Variants in BRD10 observed in about 807,000 individuals in gnomAD.
The protein encoded by BRD10 is uncharacterized bromodomain-containing protein 10.
the BRD10 span, among the ~76,000 whole-genome samples, chr9:5,938,637 A>G: frequency 6.6e-6 from 1 of 152,162 alleles, no homozygotes; most frequent in Admixed American, 6.5e-5. Context: ...AAATAAGGCT[A>G]GAATCTGTAA....
chr9:5,942,205 A>G, the BRD10 span, among the ~76,000 whole-genome samples: 3 of 152,078 alleles, frequency 2.0e-5, no homozygotes, highest in African/African-American at 7.2e-5. Context: ...CTTCCTATAT[A>G]TAACAATATA....
the BRD10 span, among the ~76,000 whole-genome samples, chr9:5,945,257 C>T: frequency 2.0e-5 from 3 of 152,090 alleles, no homozygotes; most frequent in African/African-American, 7.2e-5. Context: ...ACTTTCAGCC[C>T]AGAATGACAA....
At chr9:5,927,952 C>T in the BRD10 span, among the ~76,000 whole-genome samples, 1 of 152,190 alleles carries the variant, frequency 6.6e-6, no homozygotes, top group Non-Finnish European at 1.5e-5. Context: ...TGAACTCAGA[C>T]TCCTATACTG....
chr9:5,949,337 G>A, the BRD10 span, among the ~76,000 whole-genome samples: 86,781 of 151,864 alleles, frequency 0.57, 26,141 homozygotes, highest in Non-Finnish European at 0.69. Flanking sequence ...CCAGTCTGGC[G>A]GCAGAGCGAG....
chr9:5,988,561 G>A, the BRD10 span: 1 of 1,598,116 alleles, frequency 6.3e-7, no homozygotes, highest in Non-Finnish European at 8.6e-7. Context: ...AGAAGAATAA[G>A]TCAATTCACA....
the BRD10 span, chr9:5,910,510 C>T: frequency 2.6e-5 from 4 of 152,190 alleles, no homozygotes; most frequent in Admixed American, 6.5e-5. Context: ...CATTTGGGTA[C>T]CTCCTCCCCT....
chr9:5,948,003 G>A, the BRD10 span, among the ~76,000 whole-genome samples: 1 of 152,146 alleles, frequency 6.6e-6, no homozygotes, highest in African/African-American at 2.4e-5. Context: ...CTTATGAGAG[G>A]AGGTTTTCAG....
the BRD10 span, chr9:5,920,813 T>C: frequency 5.3e-5 from 86 of 1,613,916 alleles, no homozygotes; most frequent in East Asian, 1.9e-3. Flanking sequence ...CACTACTGGT[T>C]GTGTAGTTGA....
At chr9:5,894,177 T>G in the BRD10 span, among the ~76,000 whole-genome samples, 2 of 152,202 alleles carry the variant, frequency 1.3e-5, no homozygotes, top group African/African-American at 4.8e-5. This position sits in a 1 kb window ranked among gnomAD's most constrained non-coding sequence, Gnocchi z 4.0. Context: ...GTCAGCTCAG[T>G]AGGCCGAAAG....
the BRD10 span, among the ~76,000 whole-genome samples, chr9:5,992,980 T>C: frequency 6.6e-6 from 1 of 152,176 alleles, no homozygotes; most frequent in African/African-American, 2.4e-5. Context: ...AAAAATTCTA[T>C]CAGCACACTC....
the BRD10 span, among the ~76,000 whole-genome samples, chr9:5,917,641 C>A: frequency 6.6e-6 from 1 of 152,204 alleles, no homozygotes. Context: ...CACCTGAGGT[C>A]AGGAGTTCGA....
chr9:5,918,862 G>A, the BRD10 span: 1 of 150,038 alleles, frequency 6.7e-6, no homozygotes, highest in Admixed American at 6.6e-5. Context: ...AGATTTAAGT[G>A]AAAGTAGTAT....
the BRD10 span, among the ~76,000 whole-genome samples, chr9:5,945,987 T>C: frequency 6.6e-6 from 1 of 152,090 alleles, no homozygotes; most frequent in Non-Finnish European, 1.5e-5. Flanking sequence ...AATTTCAGTG[T>C]CAGGGGACTG....
chr9:5,969,027 G>T, the BRD10 span: 1 of 1,611,524 alleles, frequency 6.2e-7, no homozygotes, highest in East Asian at 2.2e-5. Flanking sequence ...TTAAAAAACT[G>T]AGGACACAAC....
chr9:5,897,841 C>T, the BRD10 span, among the ~76,000 whole-genome samples: 1,478 of 152,350 alleles, frequency 9.7e-3, 20 homozygotes, highest in African/African-American at 0.034. Context: ...AGGCATGAAC[C>T]TCAACCAGGA....
At chr9:5,892,197 T>C in the BRD10 span, among the ~76,000 whole-genome samples, 1 of 152,214 alleles carries the variant, frequency 6.6e-6, no homozygotes. Flanking sequence ...CTTGCAAGTC[T>C]TTTTTGCTTT....
the BRD10 span, among the ~76,000 whole-genome samples, chr9:5,964,687 G>A: frequency 1.4e-5 from 2 of 145,030 alleles, no homozygotes; most frequent in African/African-American, 2.6e-5. Context: ...CTGGATTAAG[G>A]AAATGTGGCA....
chr9:5,945,648 G>C, the BRD10 span, among the ~76,000 whole-genome samples: 2 of 151,874 alleles, frequency 1.3e-5, no homozygotes, highest in Admixed American at 1.3e-4. Context: ...AAACTAGCTT[G>C]GTTTAATTAC....
chr9:5,935,491 T>C, the BRD10 span, among the ~76,000 whole-genome samples: 1 of 152,190 alleles, frequency 6.6e-6, no homozygotes, highest in Non-Finnish European at 1.5e-5. Context: ...TGTGCTACCA[T>C]TTTCATTTAC....
Sources: gnomAD v4.1 joint callset for allele counts (sites outside exome capture counted in the v4.1 genomes callset) on GRCh38, gnomAD v4.1.1 for gene constraint, Gnocchi (gnomAD v3.1) non-coding constraint, MANE v1.5 for transcripts, NCBI Gene and HGNC (gene_info 2026-07-23, HGNC 2026-07-21) for gene names.